Variants in UPF2 observed in about 807,000 individuals in gnomAD.
UPF2 encodes the protein regulator of nonsense transcripts 2.
In UPF2, 17 loss-of-function variants were observed where a neutral mutation model predicts 141.4. The ratio of observed to expected loss-of-function variants is 0.12; its 90% confidence interval spans 0.08 to 0.18. The LOEUF is 0.18. Ranked by LOEUF, UPF2 falls within the 10% of genes least tolerant of loss-of-function variation. The probability of loss-of-function intolerance (pLI) is 1.00; values close to 1 mark genes in which losing one functional copy is unlikely to be tolerated. For missense variants in UPF2, 1,152 were observed against 1,515.9 expected (o/e 0.76, Z 3.99); for synonymous variants, 540 against 498.0 (o/e 1.08, Z -1.12).
chr10:12,006,970 G>A (rs1302783288), intron 4 of UPF2, among the ~76,000 whole-genome samples: 2 of 152,154 alleles, frequency 1.3e-5, no homozygotes, highest in African/African-American at 4.8e-5. Flanking sequence ...GTGAAGCAGA[G>A]TCCTCGCCAG....
rs1436341914 is a variant in UPF2, at chr10:12,033,771, A to C, written c.365+1288T>G. ...GCTATATTGACCAGGCTGGTCTTGA[A>C]CTCCTGAGCTCAACCAATCCTCCTG... On this transcript the variant is annotated intron_variant, in intron 2 of 21. Coordinates refer to ENST00000357604, the MANE Select transcript of UPF2 (RefSeq NM_015542.4). Among the ~76,000 whole-genome samples, 9 of 151,824 alleles carry C rather than the reference A, an allele frequency of 5.9e-5. No individual in the cohort carries two copies. In the South Asian group the frequency reaches 1.5e-3, roughly 25 times the overall value.
chr10:11,966,625 T>C (rs1400471305), intron 10 of UPF2, among the ~76,000 whole-genome samples: 1 of 152,166 alleles, frequency 6.6e-6, no homozygotes, highest in Non-Finnish European at 1.5e-5. Flanking sequence ...GGTTTCTCCA[T>C]GTTGGTCAGG....
intron 16 of UPF2, among the ~76,000 whole-genome samples, chr10:11,947,299 G>A (rs1396539528): frequency 6.6e-6 from 1 of 152,054 alleles, no homozygotes; most frequent in African/African-American, 2.4e-5. Flanking sequence ...AATTTCATAT[G>A]GTTTAACTTA....
At chr10:11,930,604 C>A (rs569579908) in intron 20 of UPF2, among the ~76,000 whole-genome samples, 3 of 152,140 alleles carry the variant, frequency 2.0e-5, no homozygotes, top group Admixed American at 1.3e-4. Context: ...TAGCAAGATC[C>A]CCTCTCTACA....
At chr10:11,937,041 T>C (rs976036718) in intron 18 of UPF2, among the ~76,000 whole-genome samples, 1 of 152,200 alleles carries the variant, frequency 6.6e-6, no homozygotes, top group East Asian at 1.9e-4. Flanking sequence ...ACCCTTCTAT[T>C]CATCCTCCTA....
At chr10:12,034,892 C>A (rs1406297043) in intron 2 of UPF2, among the ~76,000 whole-genome samples, 167 bp downstream of exon 2, 5 of 152,162 alleles carry the variant, frequency 3.3e-5, no homozygotes, top group African/African-American at 1.2e-4. Flanking sequence ...AATTAACACA[C>A]CTTAAGCATG....
rs909971751 is a variant in UPF2, at chr10:11,956,071, C to T, written c.2574+249G>A. 7.3e-5 allele frequency among the ~76,000 whole-genome samples: 11 copies of T among 151,030 alleles called. No homozygotes were observed. The highest frequency in any genetic ancestry group is 2.7e-4 in the African/African-American group (11 of 41,064). On this transcript the variant is annotated intron_variant, in intron 13 of 21. Coordinates refer to ENST00000357604, the MANE Select transcript of UPF2 (RefSeq NM_015542.4). This position sits in a 1 kb window ranked among gnomAD's most constrained non-coding sequence, Gnocchi z 4.2. ...TTGAAACAGGAGAATTGCTTGAACC[C>T]AGGAGGAAGAGGTTGCAGCGAGCGG...
At position 11,958,546 on chromosome 10, in the gene UPF2, T is replaced by C. The variant is rs1313743711; in HGVS notation, c.2370+625A>G. On this transcript the variant is annotated intron_variant, in intron 12 of 21. Transcript: ENST00000357604. ...TTCAAACCTGCAACATCATTCCTTATCACCTTCCATCCTAAAAGGAAAAAA... is the reference window on the plus strand; with the variant it reads ...TTCAAACCTGCAACATCATTCCTTACCACCTTCCATCCTAAAAGGAAAAAA... Among the ~76,000 whole-genome samples, 4 of 152,230 alleles carry C rather than the reference T, an allele frequency of 2.6e-5. No homozygotes were observed. The East Asian group carries it at 5.8e-4, about 22-fold the overall frequency.
chr10:12,014,003 G>GT lies in UPF2; in HGVS notation c.1306+20dup, dbSNP rs779849980. ...AGTGCTTACAGAAAACACAATGTTT[G>GT]TTTTTAAGGATATCTCTTACCTTCT... On this transcript the variant is annotated intron_variant, in intron 4 of 21. Coordinates refer to ENST00000357604, the MANE Select transcript of UPF2 (RefSeq NM_015542.4). The surrounding 1 kb of genome is among the most constrained non-coding windows in gnomAD (Gnocchi z 5.0). The GT allele has an allele frequency of 6.6e-7, 1 of 1,504,032 alleles. No individual in the cohort carries two copies. Among genetic ancestry groups the GT allele is most frequent in the South Asian group, 1.3e-5 (1 of 75,392 alleles). 93.2% of individuals were successfully genotyped at this position (1,504,032 alleles called of 1,614,324 possible).
At chr10:11,927,214 C>T (rs1832724335) in intron 21 of UPF2, among the ~76,000 whole-genome samples, 3 of 152,172 alleles carry the variant, frequency 2.0e-5, no homozygotes, top group African/African-American at 7.2e-5. Flanking sequence ...CATCCAACTC[C>T]ATAGTGAGTC....
intron 8 of UPF2, among the ~76,000 whole-genome samples, chr10:11,997,397 C>T (rs1166043836): frequency 7.0e-6 from 1 of 142,868 alleles, no homozygotes; most frequent in Non-Finnish European, 1.5e-5. Context: ...AAAATGCAAA[C>T]AATTGCTTCT....
chr10:11,983,608 G>A (rs896567710), intron 8 of UPF2, among the ~76,000 whole-genome samples: 3 of 152,126 alleles, frequency 2.0e-5, no homozygotes, highest in South Asian at 2.1e-4. Context: ...TCCTGAACTC[G>A]TGATCCACCT....
In UPF2 at chr10:11,952,190, A is replaced by G. The variant is rs1349488140; in HGVS notation, c.2910T>C (p.Ile970=). Residue 970 remains isoleucine, a synonymous_variant, in exon 15 of 22, where the codon ATT becomes ATC. Coordinates refer to ENST00000357604, the MANE Select transcript of UPF2 (RefSeq NM_015542.4). ...EVWTKDHPFP[I]DIDYMISDTL... ...TATCACTGATCATGTAATCTATATCAATAGGAAATGGATGGTCTTTTGTCC... is the reference window on the plus strand; with the variant it reads ...TATCACTGATCATGTAATCTATATCGATAGGAAATGGATGGTCTTTTGTCC... 9 of 1,613,556 alleles carry G rather than the reference A, an allele frequency of 5.6e-6. No homozygotes were observed. The highest frequency in any genetic ancestry group is 7.6e-6 in the Non-Finnish European group (9 of 1,179,804).
intron 16 of UPF2, among the ~76,000 whole-genome samples, chr10:11,946,097 A>G (rs185613710): frequency 5.9e-5 from 9 of 152,340 alleles, no homozygotes; most frequent in Non-Finnish European, 1.0e-4. Context: ...AGCAAATAAC[A>G]TAAATACTTA....
Position 11,936,467 on chromosome 10 carries a change from C to A in UPF2, c.3546+78G>T, listed in dbSNP as rs1253021649. 11 of 1,439,672 alleles carry A rather than the reference C, an allele frequency of 7.6e-6. No individual in the cohort carries two copies. The highest frequency in any genetic ancestry group is 1.0e-5 in the Non-Finnish European group (11 of 1,074,332). 89.2% of individuals were successfully genotyped at this position (1,439,672 alleles called of 1,614,324 possible). On this transcript the variant is annotated intron_variant, in intron 19 of 21. Transcript: ENST00000357604. The surrounding 1 kb of genome is among the most constrained non-coding windows in gnomAD (Gnocchi z 6.6). ...TTTAAAACTGTCCAACCCTTATCCC[C>A]TTGTAGGTCAAAGATAAGTTAAAAC...
At chr10:12,012,363 T>C (rs970371184) in intron 4 of UPF2, among the ~76,000 whole-genome samples, 1 of 152,130 alleles carries the variant, frequency 6.6e-6, no homozygotes, top group Non-Finnish European at 1.5e-5. Flanking sequence ...CACCCAGCCA[T>C]ATGCTAAATA....
chr10:12,011,078 C>T (rs1475792335), intron 4 of UPF2, among the ~76,000 whole-genome samples: 1 of 152,184 alleles, frequency 6.6e-6, no homozygotes, highest in Non-Finnish European at 1.5e-5. Flanking sequence ...AACATCTGGG[C>T]TCATGCAATC....
intron 4 of UPF2, among the ~76,000 whole-genome samples, chr10:12,005,874 A>G (rs1588564956): frequency 6.7e-6 from 1 of 148,840 alleles, no homozygotes; most frequent in Non-Finnish European, 1.5e-5. Context: ...CCCAGCGTTT[A>G]TTTATTATTT....
chr10:11,948,329 T>C (rs964054100), intron 16 of UPF2, 40 bp downstream of exon 16: 10 of 1,530,768 alleles, frequency 6.5e-6, no homozygotes, highest in South Asian at 2.5e-5. Flanking sequence ...AATACTCTTA[T>C]ACAAATGTAC....
Sources: allele counts gnomAD v4.1 joint callset (sites outside exome capture counted in the v4.1 genomes callset), GRCh38; gene constraint gnomAD v4.1.1; non-coding constraint Gnocchi (gnomAD v3.1); transcripts MANE v1.5; gene names NCBI Gene and HGNC (gene_info 2026-07-23, HGNC 2026-07-21).